LINGO2: variants seen among roughly 807,000 people sequenced by gnomAD.
LINGO2 encodes leucine rich repeat and Ig domain containing 2.
Under a neutral mutation model 30.6 loss-of-function variants are expected in LINGO2, and 14 were observed. The observed-to-expected ratio is 0.46, with a 90% CI of 0.30 to 0.72. LINGO2 has a LOEUF of 0.72. LINGO2 is among the 30% of genes least tolerant of loss of function. The probability of loss-of-function intolerance (pLI) is 0.07; values close to 1 mark genes in which losing one functional copy is unlikely to be tolerated. For synonymous variants in LINGO2, 317 were observed against 288.5 expected, an observed-to-expected ratio of 1.10 and a Z score of -1.00; for missense variants, 729 against 751.7, an observed-to-expected ratio of 0.97 and a Z score of 0.35.
the LINGO2 span, among the ~76,000 whole-genome samples, chr9:28,808,688 A>G: frequency 6.6e-6 from 1 of 152,224 alleles, no homozygotes; most frequent in Non-Finnish European, 1.5e-5. Context: ...AATGCATTCC[A>G]TCTTTTTAGC....
intron 1 of LINGO2, among the ~76,000 whole-genome samples, chr9:28,553,959 G>A (rs1349295451): frequency 2.0e-5 from 3 of 151,994 alleles, no homozygotes; most frequent in Admixed American, 1.3e-4. Flanking sequence ...GAGAGATTTT[G>A]TCACCACCAG....
chr9:28,579,744 G>T (rs1225958972), intron 1 of LINGO2, among the ~76,000 whole-genome samples: 1 of 152,054 alleles, frequency 6.6e-6, no homozygotes, highest in Non-Finnish European at 1.5e-5. Context: ...TCAACATTCA[G>T]ATTTAGCTGA....
chr9:28,229,509 T>C (rs1194826003), intron 4 of LINGO2, among the ~76,000 whole-genome samples: 5 of 151,672 alleles, frequency 3.3e-5, no homozygotes, highest in African/African-American at 1.2e-4. Flanking sequence ...GGACCCTCCC[T>C]ATCATCAGAA....
intron 4 of LINGO2, among the ~76,000 whole-genome samples, chr9:28,057,630 C>CATATATATATAT (rs1287192981): frequency 1.5e-5 from 2 of 130,288 alleles, no homozygotes; most frequent in African/African-American, 2.8e-5. Context: ...TATATATACA[C>CATATATATATAT]ACATATATAA....
chr9:28,204,696 A>C (rs567771385), intron 4 of LINGO2, among the ~76,000 whole-genome samples: 68 of 152,174 alleles, frequency 4.5e-4, no homozygotes, highest in Non-Finnish European at 5.6e-4. Context: ...TCTTCCAAGA[A>C]GAATTTGTGT....
intron 4 of LINGO2, among the ~76,000 whole-genome samples, chr9:28,178,191 T>C (rs1390699362): frequency 6.6e-6 from 1 of 152,034 alleles, no homozygotes; most frequent in Non-Finnish European, 1.5e-5. Context: ...GCATAAAACA[T>C]GGAGTGAAAT....
At chr9:27,966,473 G>A (rs551405025) in intron 5 of LINGO2, among the ~76,000 whole-genome samples, 1 of 152,240 alleles carries the variant, frequency 6.6e-6, no homozygotes, top group Non-Finnish European at 1.5e-5. Context: ...CACAGGAACA[G>A]AAAACCAAAC....
At chr9:28,917,440 G>T in the LINGO2 span, among the ~76,000 whole-genome samples, 1 of 151,616 alleles carries the variant, frequency 6.6e-6, no homozygotes, top group African/African-American at 2.4e-5. Flanking sequence ...CATTAGAATA[G>T]GTTTTTTTGG....
At chr9:28,275,789 T>G (rs1371846225) in intron 4 of LINGO2, among the ~76,000 whole-genome samples, 1 of 152,232 alleles carries the variant, frequency 6.6e-6, no homozygotes, top group Non-Finnish European at 1.5e-5. Flanking sequence ...TAATGTTTTT[T>G]CTATCTTTAT....
intron 5 of LINGO2, among the ~76,000 whole-genome samples, chr9:27,978,588 C>A (rs193022699): frequency 3.9e-5 from 6 of 152,098 alleles, no homozygotes; most frequent in Admixed American, 6.6e-5. Flanking sequence ...GCAGATACCA[C>A]ATATATTGGT....
the LINGO2 span, among the ~76,000 whole-genome samples, chr9:28,740,441 A>G: frequency 6.6e-6 from 1 of 151,940 alleles, no homozygotes; most frequent in Non-Finnish European, 1.5e-5. Context: ...TGACAGAAAC[A>G]TATCTTCCTT....
intron 4 of LINGO2, among the ~76,000 whole-genome samples, chr9:28,056,431 G>A (rs575444426): frequency 6.6e-6 from 1 of 152,070 alleles, no homozygotes; most frequent in East Asian, 1.9e-4. Flanking sequence ...TTTTTGTCCT[G>A]TCTCAGCACT....
the LINGO2 span, among the ~76,000 whole-genome samples, chr9:29,003,732 A>G: frequency 6.6e-6 from 1 of 151,996 alleles, no homozygotes; most frequent in Non-Finnish European, 1.5e-5. Context: ...GCTCCAGAGA[A>G]TCGCCAAGCC....
At chr9:28,602,391 T>C (rs1054908545) in intron 1 of LINGO2, among the ~76,000 whole-genome samples, 1 of 152,138 alleles carries the variant, frequency 6.6e-6, no homozygotes, top group Non-Finnish European at 1.5e-5. Flanking sequence ...TGGCTATTAA[T>C]GACAAGGACC....
chr9:28,445,127 C>T (rs1824370605), intron 2 of LINGO2, among the ~76,000 whole-genome samples: 1 of 152,200 alleles, frequency 6.6e-6, no homozygotes, highest in Admixed American at 6.5e-5. Flanking sequence ...CACTACTCCA[C>T]ATGACAATGT....
chr9:28,943,720 TG>T, the LINGO2 span, among the ~76,000 whole-genome samples: 1 of 151,996 alleles, frequency 6.6e-6, no homozygotes, highest in Non-Finnish European at 1.5e-5. Flanking sequence ...CTGTAATGGA[TG>T]GAAAAAAAGG....
the LINGO2 span, among the ~76,000 whole-genome samples, chr9:28,774,479 C>T: frequency 1.3e-5 from 2 of 152,042 alleles, no homozygotes; most frequent in Non-Finnish European, 2.9e-5. Context: ...ACATTTCACA[C>T]ACATATATAT....
At chr9:28,731,276 A>G in the LINGO2 span, among the ~76,000 whole-genome samples, 2 of 152,248 alleles carry the variant, frequency 1.3e-5, no homozygotes, top group African/African-American at 4.8e-5. Context: ...GGAGTGAGCC[A>G]CTGCGCCCAG....
chr9:28,027,707 G>T (rs10968289), intron 4 of LINGO2, among the ~76,000 whole-genome samples: 1 of 152,216 alleles, frequency 6.6e-6, no homozygotes, highest in South Asian at 2.1e-4. Flanking sequence ...GATTAAATGC[G>T]AGGTGGTATA....
Sources: gnomAD v4.1 joint callset for allele counts (sites outside exome capture counted in the v4.1 genomes callset) on GRCh38, gnomAD v4.1.1 for gene constraint, MANE v1.5 for transcripts, NCBI Gene and HGNC (gene_info 2026-07-23, HGNC 2026-07-21) for gene names.